LAPTM4B: variants seen among roughly 807,000 people sequenced by gnomAD.
LAPTM4B encodes the protein lysosomal protein transmembrane 4 beta, also known as lysosomal-associated transmembrane protein 4B.
Under a neutral mutation model 28.5 loss-of-function variants are expected in LAPTM4B, and 26 were observed. That is an observed-to-expected ratio of 0.91 (90% CI 0.67 to 1.27). The LOEUF (loss-of-function observed/expected upper bound fraction) is 1.27. Among genes scored for constraint, LAPTM4B ranks in the 50% most tolerant of loss-of-function variants. The pLI is 0.00. For synonymous variants in LAPTM4B, 109 were observed against 106.4 expected (o/e 1.02, Z -0.15); for missense variants, 288 against 285.8 (o/e 1.01, Z -0.06).
intron 4 of LAPTM4B, among the ~76,000 whole-genome samples, chr8:97,816,659 A>C (rs2129793727): frequency 6.6e-6 from 1 of 152,270 alleles, no homozygotes; most frequent in African/African-American, 2.4e-5. Flanking sequence ...TGATGTGCCT[A>C]CCTAAATTAT....
intron 2 of LAPTM4B, among the ~76,000 whole-genome samples, chr8:97,813,755 T>G (rs1440482334): frequency 6.6e-6 from 1 of 152,222 alleles, no homozygotes; most frequent in Non-Finnish European, 1.5e-5. Flanking sequence ...AGGATGTGAT[T>G]TGCAATTTAG....
intron 4 of LAPTM4B, among the ~76,000 whole-genome samples, chr8:97,818,870 G>GA (rs58053654): frequency 0.52 from 61,840 of 117,932 alleles, 13,855 homozygotes; most frequent in Non-Finnish European, 0.55. Flanking sequence ...TCTCAAAAAA[G>GA]AAAAAAAAAA....
In LAPTM4B at chr8:97,833,914, A is replaced by T. The variant is rs1220407511; in HGVS notation, c.603+8761A>T. ...CATGTACTATTTGGCTACCCATTGTATTTGTGACATGGATAAATATACGTG... is the reference window on the plus strand; with the variant it reads ...CATGTACTATTTGGCTACCCATTGTTTTTGTGACATGGATAAATATACGTG... On this transcript the variant is annotated intron_variant, in intron 6 of 6. Coordinates refer to ENST00000521545, the MANE Select transcript of LAPTM4B (RefSeq NM_018407.6). Among the ~76,000 whole-genome samples, 4 of 152,202 alleles carry T rather than the reference A, an allele frequency of 2.6e-5. No individual in the cohort carries two copies. In the East Asian group the frequency reaches 7.7e-4, roughly 29 times the overall value.
chr8:97,782,279 CTTTTTTTTTTTT>C (rs34322160), intron 1 of LAPTM4B, among the ~76,000 whole-genome samples: 3 of 50,254 alleles, frequency 6.0e-5, no homozygotes, highest in Middle Eastern at 0.017. Flanking sequence ...CCATGCCCAG[CTTTTTTTTTTTT>C]TTTTTTTTTT....
chr8:97,787,211 C>G (rs1213176255), intron 1 of LAPTM4B, among the ~76,000 whole-genome samples: 1 of 151,784 alleles, frequency 6.6e-6, no homozygotes, highest in Non-Finnish European at 1.5e-5. Flanking sequence ...ATGCACACAT[C>G]ACTTTCACTT....
At chr8:97,843,813 A>C (rs906101458) in intron 6 of LAPTM4B, among the ~76,000 whole-genome samples, 6 of 146,168 alleles carry the variant, frequency 4.1e-5, no homozygotes, top group East Asian at 2.0e-4. Flanking sequence ...ATAAATAAAT[A>C]AATCATTTGC....
intron 1 of LAPTM4B, among the ~76,000 whole-genome samples, chr8:97,801,843 CAAAAA>C (rs34138394): frequency 7.6e-6 from 1 of 131,364 alleles, no homozygotes; most frequent in Non-Finnish European, 1.6e-5. Context: ...AACTCCATCT[CAAAAA>C]AAAAAAAAAA....
intron 6 of LAPTM4B, among the ~76,000 whole-genome samples, chr8:97,839,354 T>C (rs1406549816): frequency 1.3e-5 from 2 of 152,052 alleles, no homozygotes; most frequent in Non-Finnish European, 2.9e-5. Flanking sequence ...TTACCATGCC[T>C]GGCTAATTTT....
At chr8:97,806,439 A>G (rs1455479171) in intron 2 of LAPTM4B, among the ~76,000 whole-genome samples, 1 of 152,162 alleles carries the variant, frequency 6.6e-6, no homozygotes, top group Non-Finnish European at 1.5e-5. Context: ...TCTGCTTTCC[A>G]GTTTTAGGAG....
intron 6 of LAPTM4B, among the ~76,000 whole-genome samples, chr8:97,840,101 A>C (rs1817323834): frequency 6.6e-6 from 1 of 152,224 alleles, no homozygotes; most frequent in African/African-American, 2.4e-5. Flanking sequence ...GGCTTCAGGA[A>C]CATGCAGAGG....
chr8:97,794,912 A>T (rs1018734956), intron 1 of LAPTM4B, among the ~76,000 whole-genome samples: 4 of 151,952 alleles, frequency 2.6e-5, no homozygotes, highest in African/African-American at 9.7e-5. Flanking sequence ...AGGTTTGACC[A>T]TGTTGTGCAG....
intron 2 of LAPTM4B, among the ~76,000 whole-genome samples, chr8:97,814,102 A>AT (rs1021194204): frequency 5.3e-5 from 8 of 152,226 alleles, no homozygotes; most frequent in African/African-American, 1.7e-4. Flanking sequence ...CTATAATCCC[A>AT]TAGTGACAAT....
chr8:97,781,228 C>CTTGGCCTCCCAAAGTGCTGAGATTA (rs1225596483), intron 1 of LAPTM4B, among the ~76,000 whole-genome samples: 9 of 148,636 alleles, frequency 6.1e-5, no homozygotes, highest in African/African-American at 2.0e-4. Context: ...ATCCATCCGC[C>CTTGGCCTCCCAAAGTGCTGAGATTA]TTGGCCTCCC....
intron 1 of LAPTM4B, among the ~76,000 whole-genome samples, chr8:97,777,579 C>T (rs528694713): frequency 4.6e-5 from 7 of 152,118 alleles, no homozygotes; most frequent in African/African-American, 7.2e-5. Context: ...TTAAGCAAAA[C>T]ATTTCACCCC....
intron 2 of LAPTM4B, among the ~76,000 whole-genome samples, chr8:97,814,963 A>G (rs1586332886): frequency 1.3e-5 from 2 of 152,166 alleles, no homozygotes; most frequent in African/African-American, 4.8e-5. Context: ...AAGTGTTGGG[A>G]TTATAGGTGT....
At chr8:97,848,645 C>T (rs1817467811) in intron 6 of LAPTM4B, among the ~76,000 whole-genome samples, 1 of 152,154 alleles carries the variant, frequency 6.6e-6, no homozygotes. Context: ...CGTGGCAAGA[C>T]CCCATCTCTA....
intron 1 of LAPTM4B, 29 bp from the exon 2 acceptor site, chr8:97,805,324 C>CTTTTTTTTTT (rs386413439): frequency 8.8e-5 from 74 of 843,580 alleles, no homozygotes; most frequent in South Asian, 3.1e-4. Context: ...TACTTAAATT[C>CTTTTTTTTTT]TTTTTTTTTT....
intron 2 of LAPTM4B, among the ~76,000 whole-genome samples, chr8:97,811,323 C>T (rs1051036825): frequency 9.2e-5 from 14 of 152,084 alleles, no homozygotes; most frequent in Non-Finnish European, 5.9e-5. Context: ...ATAAATCTGT[C>T]GTCAGCCATG....
At chr8:97,840,838 G>A (rs74523128) in intron 6 of LAPTM4B, among the ~76,000 whole-genome samples, 6,407 of 146,168 alleles carry the variant, frequency 0.044, 360 homozygotes, top group African/African-American at 0.14. Context: ...ATGGTGGGGC[G>A]GCCGGGCAGA....
Sources: gnomAD v4.1 joint callset for allele counts (sites outside exome capture counted in the v4.1 genomes callset) on GRCh38, gnomAD v4.1.1 for gene constraint, MANE v1.5 for transcripts, NCBI Gene and HGNC (gene_info 2026-07-23, HGNC 2026-07-21) for gene names.